The following AFG2A variants were observed in gnomAD, a reference collection of about 807,000 sequenced individuals.
AFG2A encodes AAA ATPase AFG2A, also known as ATPase family gene 2 protein homolog A.
the AFG2A span, among the ~76,000 whole-genome samples, chr4:123,071,347 G>A: frequency 8.5e-5 from 13 of 152,166 alleles, no homozygotes; most frequent in Non-Finnish European, 1.3e-4. Context: ...GGGCGTGGTG[G>A]CGCATGCCTG....
At chr4:123,209,785 A>C in the AFG2A span, among the ~76,000 whole-genome samples, 234 of 152,064 alleles carry the variant, frequency 1.5e-3, 1 homozygote, top group Non-Finnish European at 2.5e-3. Flanking sequence ...AAGGAGAAAG[A>C]GGTCAGGATA....
chr4:122,999,500 G>A, the AFG2A span, among the ~76,000 whole-genome samples: 11 of 152,082 alleles, frequency 7.2e-5, no homozygotes, highest in Non-Finnish European at 1.0e-4. Context: ...GTGTAAGGAA[G>A]GGATCCAGTT....
chr4:122,940,402 A>G, the AFG2A span, among the ~76,000 whole-genome samples: 1 of 152,106 alleles, frequency 6.6e-6, no homozygotes, highest in Non-Finnish European at 1.5e-5. Flanking sequence ...GCATTTTTTC[A>G]TGTGTCTTTT....
At chr4:122,975,732 C>G in the AFG2A span, among the ~76,000 whole-genome samples, 3 of 152,162 alleles carry the variant, frequency 2.0e-5, no homozygotes, top group Admixed American at 6.5e-5. Context: ...GAGAGAGACA[C>G]TTTCTTTTCC....
At chr4:123,224,138 G>A in the AFG2A span, among the ~76,000 whole-genome samples, 2 of 151,730 alleles carry the variant, frequency 1.3e-5, no homozygotes, top group Non-Finnish European at 2.9e-5. Flanking sequence ...TTGTTTTTGG[G>A]TATCTAGTTT....
At chr4:122,979,906 AAAAC>A in the AFG2A span, among the ~76,000 whole-genome samples, 1 of 152,184 alleles carries the variant, frequency 6.6e-6, no homozygotes, top group African/African-American at 2.4e-5. Context: ...TCAAAAACAA[AAAAC>A]AAAACACCCA....
chr4:123,097,315 A>T, the AFG2A span, among the ~76,000 whole-genome samples: 6 of 151,888 alleles, frequency 4.0e-5, no homozygotes, highest in Admixed American at 3.9e-4. Context: ...TTTCCTAGTT[A>T]TAACTATTGC....
the AFG2A span, among the ~76,000 whole-genome samples, chr4:123,100,081 T>G: frequency 6.6e-6 from 1 of 151,876 alleles, no homozygotes; most frequent in African/African-American, 2.4e-5. Flanking sequence ...TTTTCAAGAC[T>G]GGAGAGGACA....
chr4:123,028,447 C>G, the AFG2A span: 2 of 1,473,636 alleles, frequency 1.4e-6, no homozygotes, highest in South Asian at 2.3e-5. Context: ...CCCCCAACCC[C>G]CATTCTCTGA....
chr4:123,106,504 A>C, the AFG2A span, among the ~76,000 whole-genome samples: 1 of 150,762 alleles, frequency 6.6e-6, no homozygotes, highest in African/African-American at 2.5e-5. Flanking sequence ...TACCCAAACC[A>C]CCCTAAAAAA....
the AFG2A span, among the ~76,000 whole-genome samples, chr4:123,216,586 G>A: frequency 6.6e-6 from 1 of 151,564 alleles, no homozygotes; most frequent in African/African-American, 2.4e-5. Context: ...CAACATTTAT[G>A]TAAAACTATG....
At chr4:123,061,798 T>TA in the AFG2A span, among the ~76,000 whole-genome samples, 1 of 152,180 alleles carries the variant, frequency 6.6e-6, no homozygotes, top group Non-Finnish European at 1.5e-5. Context: ...CACAGAGTGT[T>TA]ACAAAACTCA....
At chr4:122,939,071 C>CTCTCTTTTTTTTTTTTTTTTTTTTT in the AFG2A span, among the ~76,000 whole-genome samples, 25 of 76,210 alleles carry the variant, frequency 3.3e-4, 11 homozygotes, top group Non-Finnish European at 2.9e-4. Context: ...GGGATATGTT[C>CTCTCTTTTTTTTTTTTTTTTTTTTT]TTTCTTTTTT....
At chr4:123,093,110 C>T in the AFG2A span, among the ~76,000 whole-genome samples, 2 of 152,142 alleles carry the variant, frequency 1.3e-5, no homozygotes, top group African/African-American at 4.8e-5. Flanking sequence ...ACAGGCCAGC[C>T]CCAGAATTGG....
the AFG2A span, among the ~76,000 whole-genome samples, chr4:122,985,194 C>T: frequency 1.3e-5 from 2 of 150,138 alleles, no homozygotes; most frequent in South Asian, 2.1e-4. Context: ...GGTGCAATCT[C>T]GGCTCATCGC....
the AFG2A span, among the ~76,000 whole-genome samples, chr4:123,158,767 C>T: frequency 1.3e-5 from 2 of 152,132 alleles, no homozygotes; most frequent in East Asian, 3.8e-4. Flanking sequence ...AGGAAGTCAG[C>T]AAGAAAGGGA....
the AFG2A span, among the ~76,000 whole-genome samples, chr4:122,943,590 G>A: frequency 0.066 from 9,983 of 151,760 alleles, 572 homozygotes; most frequent in African/African-American, 0.16. Flanking sequence ...TCTTTATCCA[G>A]TTTGCCAGTC....
chr4:123,303,782 A>G, the AFG2A span, among the ~76,000 whole-genome samples: 1 of 151,474 alleles, frequency 6.6e-6, no homozygotes, highest in Non-Finnish European at 1.5e-5. Flanking sequence ...AACAAACAAA[A>G]ACAACTTTGA....
chr4:123,191,314 G>A, the AFG2A span, among the ~76,000 whole-genome samples: 2 of 150,898 alleles, frequency 1.3e-5, no homozygotes, highest in African/African-American at 2.4e-5. Flanking sequence ...GTCATAGCTG[G>A]TTTAGGTAAA....
Sources: allele counts gnomAD v4.1 joint callset (sites outside exome capture counted in the v4.1 genomes callset), GRCh38; gene constraint gnomAD v4.1.1; transcripts MANE v1.5; gene names NCBI Gene and HGNC (gene_info 2026-07-23, HGNC 2026-07-21).